TNRC18: variants seen among roughly 807,000 people sequenced by gnomAD.
TNRC18 encodes trinucleotide repeat containing 18.
Under a neutral mutation model 226.7 loss-of-function variants are expected in TNRC18, and 69 were observed. The observed-to-expected ratio is 0.30, with a 90% CI of 0.25 to 0.37. The LOEUF is 0.37. Ranked by LOEUF, TNRC18 falls within the 10% of genes least tolerant of loss-of-function variation. The pLI, the probability that TNRC18 is intolerant of heterozygous loss-of-function variation, is 1.00. For missense variants in TNRC18, 4,754 were observed against 4,256.6 expected (o/e 1.12, Z -3.25); for synonymous variants, 2,449 against 1,927.6 (o/e 1.27, Z -7.09).
chr7:5,363,585 C>G (rs143953966), intron 11 of TNRC18, among the ~76,000 whole-genome samples: 1 of 152,206 alleles, frequency 6.6e-6, no homozygotes, highest in East Asian at 1.9e-4. Flanking sequence ...GCCTGGGTGA[C>G]AGAGGGAGAC....
At chr7:5,334,326 T>C (rs1789863989) in intron 18 of TNRC18, among the ~76,000 whole-genome samples, 1 of 151,676 alleles carries the variant, frequency 6.6e-6, no homozygotes, top group East Asian at 1.9e-4. Context: ...AGACGGAGTC[T>C]CGCTTTGTCG....
chr7:5,408,731 G>T (rs557814550), intron 2 of TNRC18, among the ~76,000 whole-genome samples: 1 of 152,314 alleles, frequency 6.6e-6, no homozygotes, highest in East Asian at 1.9e-4. Context: ...GTGGGGAAAA[G>T]AAACACTTAG....
chr7:5,389,099 G>A lies in TNRC18; in HGVS notation c.725C>T (p.Thr242Ile). 3.1e-6 allele frequency: 4 copies of A among 1,304,164 alleles called. No individual in the cohort carries two copies. Among genetic ancestry groups the A allele is most frequent in the South Asian group, 1.8e-5 (1 of 56,306 alleles). The allele number at this position is 1,304,164 out of a possible 1,614,324, so 80.8% of individuals were successfully genotyped here. ...ASGPRGVVDL[T>I]QEARAEGRQD... ...GCGGCCCTCGGCGCGCGCCTCCTGGGTCAGGTCCACCACGCCCCGTGGCCC... is the reference window on the plus strand; with the variant it reads ...GCGGCCCTCGGCGCGCGCCTCCTGGATCAGGTCCACCACGCCCCGTGGCCC... Residue 242 changes from threonine to isoleucine, a missense_variant, in exon 5 of 30, where the codon ACC becomes ATC. Transcript: ENST00000430969.
intron 3 of TNRC18, among the ~76,000 whole-genome samples, chr7:5,392,327 G>A (rs1780360019): frequency 6.6e-6 from 1 of 152,148 alleles, no homozygotes; most frequent in Non-Finnish European, 1.5e-5. Context: ...GACGGGTGTG[G>A]TAGCAGGCGC....
At chr7:5,368,664 CAAA>C (rs534524701) in intron 11 of TNRC18, among the ~76,000 whole-genome samples, 1,022 of 82,570 alleles carry the variant, frequency 0.012, 4 homozygotes, top group African/African-American at 0.016. Context: ...GACTCTGTCT[CAAA>C]AAAAAAAAAA....
Position 5,384,378 on chromosome 7 carries a change from G to A in TNRC18, c.2152+3294C>T, listed in dbSNP as rs186296610. On this transcript the variant is annotated intron_variant, in intron 5 of 29. Coordinates refer to ENST00000430969, the MANE Select transcript of TNRC18 (RefSeq NM_001080495.3). ...GGCCTTCCGAAGTGCTGGGATTACA[G>A]GCCTGAGCCACCATACCCAGCCCCC... Among the ~76,000 whole-genome samples, 126 of 152,318 alleles carry A rather than the reference G, an allele frequency of 8.3e-4. 1 individual carries two copies. Among genetic ancestry groups the A allele is most frequent in the African/African-American group, 1.6e-3 (66 of 41,584 alleles).
intron 3 of TNRC18, among the ~76,000 whole-genome samples, chr7:5,393,133 G>C: frequency 6.6e-6 from 1 of 152,222 alleles, no homozygotes. Flanking sequence ...AGGATTTGTT[G>C]GCCAAAGAGA....
intron 19 of TNRC18, among the ~76,000 whole-genome samples, chr7:5,327,571 C>T (rs1034428255): frequency 2.6e-5 from 4 of 151,948 alleles, no homozygotes; most frequent in African/African-American, 9.7e-5. Flanking sequence ...GTACATGTCC[C>T]TGCAGCTGTA....
rs759846169 is a variant in TNRC18 at position 5,388,404 on chromosome 7, G to A, written c.1420C>T (p.Pro474Ser). ...GGGCCGCGGGGCGCACGCTCGCAGG[G>A]CCTCGGGTCCGCCTCGGGCTTGAGC... ...ELLKPEADPR[P>S]CERAPRGPAG... The change falls in exon 5 of 30, where the codon CCC becomes TCC. Residue 474 changes from proline to serine, a missense_variant. Pro to Ser is a moderately conservative substitution (Grantham distance 74, BLOSUM62 -1). Transcript: ENST00000430969. 28 of 1,500,346 alleles carry A rather than the reference G, an allele frequency of 1.9e-5. No homozygotes were observed. In the Admixed American group the frequency reaches 4.5e-4, roughly 24 times the overall value. The allele number at this position is 1,500,346 out of a possible 1,614,324, so 92.9% of individuals were successfully genotyped here.
chr7:5,368,664 CAAAAAAA>C (rs534524701), intron 11 of TNRC18, among the ~76,000 whole-genome samples: 2 of 82,548 alleles, frequency 2.4e-5, no homozygotes, highest in African/African-American at 5.0e-5. Context: ...GACTCTGTCT[CAAAAAAA>C]AAAAAAAAAA....
At chr7:5,406,126 G>T (rs1781448388) in intron 2 of TNRC18, among the ~76,000 whole-genome samples, 1 of 152,198 alleles carries the variant, frequency 6.6e-6, no homozygotes, top group African/African-American at 2.4e-5. Context: ...CAACGTGGAT[G>T]TACCTTGAGG....
In TNRC18 at chr7:5,421,969, G is replaced by T. The variant is rs191236190; in HGVS notation, c.-243-480C>A. ...TAATATTTAACCTTTTGGAGACCTC[G>T]CCTCCCTTTTCCGAGTTTGGTTTTT... On this transcript the variant is annotated intron_variant, in intron 1 of 29. Transcript: ENST00000430969. 3.5e-3 allele frequency among the ~76,000 whole-genome samples: 536 copies of T among 152,296 alleles called. 1 individual carries two copies. Among genetic ancestry groups the T allele is most frequent in the Non-Finnish European group, 6.1e-3 (416 of 68,034 alleles).
intron 10 of TNRC18, among the ~76,000 whole-genome samples, chr7:5,372,542 TAA>T (rs1270563593): frequency 8.6e-5 from 11 of 128,314 alleles, no homozygotes; most frequent in Non-Finnish European, 8.3e-5. Context: ...CCATCTCTAC[TAA>T]AAAAAAAAAA....
At chr7:5,411,345 C>CA (rs1169948981) in intron 2 of TNRC18, among the ~76,000 whole-genome samples, 1 of 150,914 alleles carries the variant, frequency 6.6e-6, no homozygotes. Context: ...GGTGATGTTG[C>CA]AATTCTTTCA....
chr7:5,366,378 G>T (rs1320387069), intron 11 of TNRC18, among the ~76,000 whole-genome samples: 1 of 134,218 alleles, frequency 7.5e-6, no homozygotes, highest in Non-Finnish European at 1.5e-5. Context: ...GCCCAGGCTG[G>T]AGTGCAGTGA....
rs1786660297 is a variant in TNRC18, at chr7:5,307,472, G to A, written c.*634C>T. ...CTGTAGTGTGAGGGTTTGGACCAGG[G>A]TGGGCCTGTGCCGGGCCCTCTCCAC... On this transcript the variant is annotated 3_prime_UTR_variant, in exon 30 of 30. Transcript: ENST00000430969. The A allele has an allele frequency of 2.3e-6, 1 of 433,562 alleles. No individual in the cohort carries two copies. The highest frequency in any genetic ancestry group is 1.6e-5 in the South Asian group (1 of 61,256). The allele number at this position is 433,562 out of a possible 1,614,324, so 26.9% of individuals were successfully genotyped here. A position where few individuals can be genotyped will look rare whatever the true frequency, so the allele number is the denominator to read the frequency against.
At chr7:5,402,241 A>C (rs543523937) in intron 2 of TNRC18, among the ~76,000 whole-genome samples, 1 of 151,030 alleles carries the variant, frequency 6.6e-6, no homozygotes, top group Non-Finnish European at 1.5e-5. Flanking sequence ...ATCCCAAAAA[A>C]ATTTTTTTTA....
intron 17 of TNRC18, among the ~76,000 whole-genome samples, chr7:5,347,134 G>A (rs1291745570): frequency 6.6e-6 from 1 of 151,804 alleles, no homozygotes; most frequent in Non-Finnish European, 1.5e-5. Flanking sequence ...CTTGAGGCTA[G>A]GAGTTCAAGA....
Position 5,421,237 on chromosome 7 carries a change from G to C in TNRC18, c.10C>G (p.Arg4Gly), listed in dbSNP as rs1000780804. The change falls in exon 2 of 30, where the codon CGA becomes GGA. Residue 4 changes from arginine (R) to glycine (G), a missense_variant. Physicochemically the swap from Arg to Gly is moderately radical, Grantham distance 125. Transcript: ENST00000430969. ...ACGGACCGCTGGGGCCCGAAGTCTC[G>C]GCCATCCATCCTCCGCGGGAGTGCC... MDG[R>G]DFGPQRSVHG... 13 of 1,302,076 alleles carry C rather than the reference G, an allele frequency of 1.0e-5. No individual in the cohort carries two copies. The highest frequency in any genetic ancestry group is 5.4e-4 in the Middle Eastern group (2 of 3,674). 80.7% of individuals were successfully genotyped at this position (1,302,076 alleles called of 1,614,324 possible). A position where few individuals can be genotyped will look rare whatever the true frequency, so the allele number is the denominator to read the frequency against.
Sources: allele counts gnomAD v4.1 joint callset (sites outside exome capture counted in the v4.1 genomes callset), GRCh38; gene constraint gnomAD v4.1.1; transcripts MANE v1.5; gene names NCBI Gene and HGNC (gene_info 2026-07-23, HGNC 2026-07-21).